The following ATP2A2 variants were observed in gnomAD, a reference collection of about 807,000 sequenced individuals.
ATP2A2 encodes the protein sarcoplasmic/endoplasmic reticulum calcium ATPase 2.
Under a neutral mutation model 109.3 loss-of-function variants are expected in ATP2A2, and 14 were observed. The observed-to-expected ratio is 0.13, with a 90% CI of 0.08 to 0.20. ATP2A2 has a LOEUF of 0.20. ATP2A2 is among the 10% of genes least tolerant of loss of function. The pLI is 1.00. For synonymous variants in ATP2A2, 506 were observed against 490.9 expected, an observed-to-expected ratio of 1.03 and a Z score of -0.41; for missense variants, 657 against 1,321.6, an observed-to-expected ratio of 0.50 and a Z score of 7.80.
At chr12:110,312,150 G>A (rs897617305) in intron 5 of ATP2A2, among the ~76,000 whole-genome samples, 1 of 152,156 alleles carries the variant, frequency 6.6e-6, no homozygotes, top group African/African-American at 2.4e-5. Context: ...GTATGCTCCA[G>A]CCTGGGTGAC....
rs1216137822 is a variant in ATP2A2, at chr12:110,319,225, A to G, written c.464-3767A>G. 2.8e-4 allele frequency among the ~76,000 whole-genome samples: 12 copies of G among 43,420 alleles called. 1 individual carries two copies. Among genetic ancestry groups the G allele is most frequent in the South Asian group, 1.4e-3 (1 of 722 alleles). 28.5% of individuals were successfully genotyped at this position (43,420 alleles called of 152,430 possible). On this transcript the variant is annotated intron_variant, in intron 5 of 19. Coordinates refer to ENST00000539276, the MANE Select transcript of ATP2A2 (RefSeq NM_170665.4). ...CCCTGTCTGTAAGAATAAAAAATGA[A>G]AAAAAAAAAAAAAAAAAAAAAGTGG...
At chr12:110,281,209 G>A (rs1872034945), upstream of ATP2A2, 1 of 150,690 alleles carries the variant, frequency 6.6e-6, no homozygotes, top group South Asian at 2.1e-4. Context: ...CACATGCCGC[G>A]GCGGCGGCGA....
chr12:110,346,944 A>G lies in ATP2A2; in HGVS notation c.*474A>G. 9.1e-7 allele frequency: 1 copy of G among 1,097,520 alleles called. No homozygotes were observed. Among genetic ancestry groups the G allele is most frequent in the Non-Finnish European group, 1.1e-6 (1 of 898,552 alleles). The allele number at this position is 1,097,520 out of a possible 1,614,324, so 68.0% of individuals were successfully genotyped here. A position where few individuals can be genotyped will look rare whatever the true frequency, so the allele number is the denominator to read the frequency against. ...TTTATTCATAAGCCAATTTTTCTGCACTGAGCAGAGTCTTGCTACCTCAGT... is the reference window on the plus strand; with the variant it reads ...TTTATTCATAAGCCAATTTTTCTGCGCTGAGCAGAGTCTTGCTACCTCAGT... On this transcript the variant is annotated 3_prime_UTR_variant, in exon 20 of 20. Coordinates refer to ENST00000539276, the MANE Select transcript of ATP2A2 (RefSeq NM_170665.4).
chr12:110,341,755 C>A (rs1879377552), intron 14 of ATP2A2, among the ~76,000 whole-genome samples: 1 of 152,068 alleles, frequency 6.6e-6, no homozygotes, highest in Non-Finnish European at 1.5e-5. Context: ...CGCCTGTAAT[C>A]CCAGCTACTC....
At chr12:110,344,996 A>AC (rs1197504403) in intron 17 of ATP2A2, 25 bp downstream of exon 17, 1 of 1,609,774 alleles carries the variant, frequency 6.2e-7, no homozygotes, top group Non-Finnish European at 8.5e-7. Context: ...TTCTTTCTGT[A>AC]CCTTACATGA....
chr12:110,326,569 TTCTAAAGGATA>T, intron 7 of ATP2A2, 94 bp downstream of exon 7: 1 of 1,153,468 alleles, frequency 8.7e-7, no homozygotes, highest in Non-Finnish European at 1.3e-6. Flanking sequence ...CTGGCTATCA[TTCTAAAGGATA>T]ATCACACTTT....
rs1300497616 is a variant in ATP2A2 at position 110,323,144 on chromosome 12, T to G, written c.544+72T>G. ...ATTCCATGCCAATAGAGTTGGCTCTTGCCTCACTGTCCCTTTATGGTATCC... is the reference window on the plus strand; with the variant it reads ...ATTCCATGCCAATAGAGTTGGCTCTGGCCTCACTGTCCCTTTATGGTATCC... On this transcript the variant is annotated intron_variant, in intron 6 of 19. Transcript: ENST00000539276. 3.6e-6 allele frequency: 4 copies of G among 1,122,980 alleles called. No individual in the cohort carries two copies. The Admixed American group carries it at 6.8e-5, about 19-fold the overall frequency. 69.6% of individuals were successfully genotyped at this position (1,122,980 alleles called of 1,614,324 possible).
chr12:110,310,499 C>T (rs1350741064), intron 5 of ATP2A2, among the ~76,000 whole-genome samples: 1 of 152,160 alleles, frequency 6.6e-6, no homozygotes, highest in Non-Finnish European at 1.5e-5. Flanking sequence ...CTTAAGAACA[C>T]TGTTTTCAGG....
chr12:110,333,370 C>G lies in ATP2A2; in HGVS notation c.1287+87C>G, dbSNP rs534040287. 1.9e-4 allele frequency: 236 copies of G among 1,269,858 alleles called. No homozygotes were observed. The African/African-American group carries it at 3.2e-3, about 17-fold the overall frequency. The allele number at this position is 1,269,858 out of a possible 1,614,324, so 78.7% of individuals were successfully genotyped here. A position where few individuals can be genotyped will look rare whatever the true frequency, so the allele number is the denominator to read the frequency against. On this transcript the variant is annotated intron_variant, in intron 10 of 19. Transcript: ENST00000539276. Reference sequence around the variant, plus strand: ...ATGAAAGTCTAGCCTGCCTTCCTCCCTTTTGAAAGTCAAGGGTGCCTGATT... The same window carrying G: ...ATGAAAGTCTAGCCTGCCTTCCTCCGTTTTGAAAGTCAAGGGTGCCTGATT...
intron 18 of ATP2A2, 93 bp from the exon 19 acceptor site, chr12:110,345,908 C>T (rs1227928431): frequency 1.6e-6 from 2 of 1,266,950 alleles, no homozygotes; most frequent in Non-Finnish European, 1.2e-6. Flanking sequence ...TTAACAGCCG[C>T]CTTACTGAAG....
At chr12:110,318,054 C>A (rs1387901269) in intron 5 of ATP2A2, among the ~76,000 whole-genome samples, 1 of 152,180 alleles carries the variant, frequency 6.6e-6, no homozygotes, top group Non-Finnish European at 1.5e-5. Context: ...TTTCCACTAC[C>A]ACTTGCCCTA....
intron 5 of ATP2A2, among the ~76,000 whole-genome samples, chr12:110,300,174 C>A (rs1171736299): frequency 1.0e-5 from 1 of 99,552 alleles, no homozygotes; most frequent in Non-Finnish European, 1.9e-5. Context: ...TTCCTTCTTT[C>A]TCGCTCTCTC....
At chr12:110,314,459 G>A (rs75400768) in intron 5 of ATP2A2, among the ~76,000 whole-genome samples, 2 of 152,130 alleles carry the variant, frequency 1.3e-5, no homozygotes, top group Non-Finnish European at 2.9e-5. Context: ...GTATGCAAAA[G>A]TAAAAGATAA....
chr12:110,313,705 C>CTTTT (rs137984643), intron 5 of ATP2A2, among the ~76,000 whole-genome samples: 9 of 111,902 alleles, frequency 8.0e-5, no homozygotes, highest in Non-Finnish European at 1.1e-4. Flanking sequence ...GATAATGGAA[C>CTTTT]TTTTTTTTTT....
In ATP2A2 at chr12:110,348,953, C is replaced by T; in HGVS notation, c.*2483C>T. The T allele has an allele frequency of 6.1e-6, 6 of 985,474 alleles. No homozygotes were observed. Among genetic ancestry groups the T allele is most frequent in the Non-Finnish European group, 7.2e-6 (6 of 829,962 alleles). The allele number at this position is 985,474 out of a possible 1,614,324, so 61.0% of individuals were successfully genotyped here. ...GCAAACAAAACTCAGCTTTTCCTGA[C>T]TCAGTTCCTTGACTTAGTGGCCTTT... On this transcript the variant is annotated 3_prime_UTR_variant, in exon 20 of 20. Coordinates refer to ENST00000539276, the MANE Select transcript of ATP2A2 (RefSeq NM_170665.4).
At position 110,347,283 on chromosome 12, in the gene ATP2A2, A is replaced by G. The variant is rs1399031410; in HGVS notation, c.*813A>G. The G allele has an allele frequency of 7.9e-7, 1 of 1,257,908 alleles. No individual in the cohort carries two copies. The highest frequency in any genetic ancestry group is 1.0e-6 in the Non-Finnish European group (1 of 970,578). The allele number at this position is 1,257,908 out of a possible 1,614,324, so 77.9% of individuals were successfully genotyped here. A position where few individuals can be genotyped will look rare whatever the true frequency, so the allele number is the denominator to read the frequency against. ...TGCCTATTTCAGTGGCACGTCATCTAGTTTTAAAAAAATAAAACATTTTAA... is the reference window on the plus strand; with the variant it reads ...TGCCTATTTCAGTGGCACGTCATCTGGTTTTAAAAAAATAAAACATTTTAA... On this transcript the variant is annotated 3_prime_UTR_variant, in exon 20 of 20. Coordinates refer to ENST00000539276, the MANE Select transcript of ATP2A2 (RefSeq NM_170665.4).
chr12:110,288,767 C>G (rs1033155841), intron 3 of ATP2A2, among the ~76,000 whole-genome samples: 2 of 152,124 alleles, frequency 1.3e-5, no homozygotes, highest in African/African-American at 4.8e-5. Context: ...TTTCCCAGTT[C>G]CTTGTATAAG....
intron 5 of ATP2A2, among the ~76,000 whole-genome samples, chr12:110,315,982 G>A (rs948921770): frequency 6.6e-6 from 1 of 152,148 alleles, no homozygotes; most frequent in Non-Finnish European, 1.5e-5. Flanking sequence ...AGCTACTCGG[G>A]AGGCTGAGGC....
intron 1 of ATP2A2, 37 bp from the exon 2 acceptor site, chr12:110,282,567 C>CTT: frequency 7.4e-6 from 12 of 1,611,808 alleles, no homozygotes; most frequent in Non-Finnish European, 1.0e-5. Context: ...TAACCTCCCT[C>CTT]TTGACACATT....
Sources: allele counts gnomAD v4.1 joint callset (sites outside exome capture counted in the v4.1 genomes callset), GRCh38; gene constraint gnomAD v4.1.1; transcripts MANE v1.5; gene names NCBI Gene and HGNC (gene_info 2026-07-23, HGNC 2026-07-21).